The following LEMD1 variants were observed in gnomAD, a reference collection of about 807,000 sequenced individuals.
LEMD1 encodes LEM domain containing 1.
Under a neutral mutation model 17.4 loss-of-function variants are expected in LEMD1, and 18 were observed. That is an observed-to-expected ratio of 1.04 (90% CI 0.72 to 1.54). LEMD1 has a LOEUF of 1.54. Ranked by LOEUF, LEMD1 falls within the 40% of genes most tolerant of loss-of-function variation. The pLI is 0.00. For missense variants in LEMD1, 195 were observed against 210.4 expected, an observed-to-expected ratio of 0.93 and a Z score of 0.45; for synonymous variants, 88 against 77.8, an observed-to-expected ratio of 1.13 and a Z score of -0.69.
chr1:205,446,941 C>T lies in LEMD1; in HGVS notation c.-39+2927G>A, dbSNP rs1028662656. 5.3e-5 allele frequency among the ~76,000 whole-genome samples: 8 copies of T among 152,222 alleles called. No individual in the cohort carries two copies. The East Asian group carries it at 7.7e-4, about 15-fold the overall frequency. On this transcript the variant is annotated intron_variant, in intron 1 of 3. Transcript: ENST00000367154. ...ATTGTTCTGATCCCCCCGCTCCCCC[C>T]GACCTCCTGTGGGAAAAGGAAAACC... is the stretch of plus-strand genomic sequence containing the variant.
chr1:205,420,891 G>A (rs1402363458), intron 1 of LEMD1, among the ~76,000 whole-genome samples: 3 of 149,954 alleles, frequency 2.0e-5, no homozygotes, highest in African/African-American at 4.9e-5. Context: ...CAGGAACTCT[G>A]AGCAAAACTC....
Position 205,381,452 on chromosome 1 carries a change from C to T in LEMD1, c.*206G>A. The T allele has an allele frequency of 1.7e-6, 1 of 590,936 alleles. No individual in the cohort carries two copies. Among genetic ancestry groups the T allele is most frequent in the Non-Finnish European group, 3.0e-6 (1 of 331,856 alleles). 36.6% of individuals were successfully genotyped at this position (590,936 alleles called of 1,614,324 possible). On this transcript the variant is annotated 3_prime_UTR_variant, in exon 6 of 6. Transcript: ENST00000367153. ...TGACATGACTTGGGGGATTTCCTAA[C>T]CATCATGCTCTTAACACAGGTGCCT...
intron 4 of LEMD1, among the ~76,000 whole-genome samples, chr1:205,395,581 C>T (rs1473072880): frequency 2.4e-5 from 3 of 127,484 alleles, no homozygotes; most frequent in Non-Finnish European, 4.8e-5. Flanking sequence ...GCAACAAGAG[C>T]GAAATTCTGT....
chr1:205,406,365 C>T (rs980415016), intron 4 of LEMD1, among the ~76,000 whole-genome samples: 9 of 152,246 alleles, frequency 5.9e-5, no homozygotes, highest in African/African-American at 1.7e-4. Flanking sequence ...CCACCCAGTT[C>T]GAGCTTCCTG....
chr1:205,385,417 G>A (rs979965330), intron 4 of LEMD1: 1 of 152,214 alleles, frequency 6.6e-6, no homozygotes, highest in Non-Finnish European at 1.5e-5. Context: ...TGGCTAGGCT[G>A]GTCTCAAACA....
chr1:205,404,612 G>A (rs1008473616), intron 4 of LEMD1, among the ~76,000 whole-genome samples: 2 of 152,124 alleles, frequency 1.3e-5, no homozygotes, highest in African/African-American at 2.4e-5. Flanking sequence ...CGTGAGATGG[G>A]TTTCCTGAAC....
intron 4 of LEMD1, among the ~76,000 whole-genome samples, chr1:205,409,939 A>AT (rs977355146): frequency 1.3e-5 from 2 of 151,552 alleles, no homozygotes; most frequent in Middle Eastern, 3.2e-3. Flanking sequence ...CGCCCAGCTA[A>AT]TTTTTTTGTA....
At chr1:205,394,336 C>T (rs1056024333) in intron 4 of LEMD1, among the ~76,000 whole-genome samples, 1 of 151,652 alleles carries the variant, frequency 6.6e-6, no homozygotes. Flanking sequence ...GTACTAGATG[C>T]CACTGGATTG....
rs144597994 is a variant in LEMD1 at position 205,398,862 on chromosome 1, C to A, written c.271-14498G>T. On this transcript the variant is annotated intron_variant, in intron 4 of 5. Transcript: ENST00000367153. ...TGTTCCGTGGTCACGGACATAGTTACGGGTGATACAGAGAAGAAAGTGGTT... is the reference window on the plus strand; with the variant it reads ...TGTTCCGTGGTCACGGACATAGTTAAGGGTGATACAGAGAAGAAAGTGGTT... 2.0e-3 allele frequency among the ~76,000 whole-genome samples: 299 copies of A among 152,218 alleles called. 1 individual carries two copies. The highest frequency in any genetic ancestry group is 6.8e-3 in the African/African-American group (281 of 41,550).
chr1:205,393,551 C>T (rs1484620672), intron 4 of LEMD1, among the ~76,000 whole-genome samples: 1 of 151,942 alleles, frequency 6.6e-6, no homozygotes, highest in Admixed American at 6.5e-5. Context: ...TGGCAGGCAC[C>T]TGTAATCCCA....
At chr1:205,411,653 G>GAAAA (rs1553395821) in intron 4 of LEMD1, among the ~76,000 whole-genome samples, 2 of 138,544 alleles carry the variant, frequency 1.4e-5, no homozygotes, top group Non-Finnish European at 3.1e-5. Context: ...GAGAAAGAAA[G>GAAAA]GAAAGAAAGA....
chr1:205,413,995 G>A (rs1474142318), intron 4 of LEMD1, among the ~76,000 whole-genome samples: 1 of 152,072 alleles, frequency 6.6e-6, no homozygotes, highest in Admixed American at 6.6e-5. Context: ...ATGTGGTAGG[G>A]GGTGAGAAGA....
chr1:205,393,363 C>A, intron 4 of LEMD1, among the ~76,000 whole-genome samples: 1 of 123,968 alleles, frequency 8.1e-6, no homozygotes, highest in Admixed American at 9.6e-5. Context: ...ACTTTATACC[C>A]AGTAGAATGG....
chr1:205,419,609 T>C (rs72748910), intron 2 of LEMD1, among the ~76,000 whole-genome samples: 10,613 of 152,218 alleles, frequency 0.07, 402 homozygotes, highest in South Asian at 0.16. Context: ...GGACCACAGG[T>C]TCGCCACCAC....
chr1:205,422,208 G>T (rs79428114), upstream of LEMD1, among the ~76,000 whole-genome samples: 501 of 152,332 alleles, frequency 3.3e-3, 1 homozygote, highest in African/African-American at 0.011. Flanking sequence ...AGGAGGTACT[G>T]GTTGACTTCA....
At chr1:205,384,703 A>G (rs1392239980) in intron 4 of LEMD1, among the ~76,000 whole-genome samples, 2 of 152,186 alleles carry the variant, frequency 1.3e-5, no homozygotes, top group Non-Finnish European at 2.9e-5. Flanking sequence ...TTTTATGAGC[A>G]TGCATCATTT....
In LEMD1 at chr1:205,441,645, C is replaced by T. The variant is rs1666295528; in HGVS notation, c.-39+8223G>A. ...AAAGCCTATAGGGAGCAATTATACCCTTCCTTTGACTGCTCAGGGCAATGC... is the reference window on the plus strand; with the variant it reads ...AAAGCCTATAGGGAGCAATTATACCTTTCCTTTGACTGCTCAGGGCAATGC... On this transcript the variant is annotated intron_variant, in intron 1 of 3. Transcript: ENST00000367154. This position sits in a 1 kb window ranked among gnomAD's most constrained non-coding sequence, Gnocchi z 4.3. Among the ~76,000 whole-genome samples the T allele has an allele frequency of 6.6e-6, 1 of 152,238 alleles. No individual in the cohort carries two copies.
chr1:205,403,257 A>C (rs1033278844), intron 4 of LEMD1, among the ~76,000 whole-genome samples: 1 of 151,994 alleles, frequency 6.6e-6, no homozygotes, highest in Non-Finnish European at 1.5e-5. Flanking sequence ...TATTGATTGG[A>C]ATAGTTTCAG....
chr1:205,383,398 A>G (rs1392685142), intron 5 of LEMD1, among the ~76,000 whole-genome samples: 1 of 151,658 alleles, frequency 6.6e-6, no homozygotes, highest in Non-Finnish European at 1.5e-5. Flanking sequence ...CCCAGCCAAC[A>G]TGTGCTATTC....
Sources: allele counts gnomAD v4.1 joint callset (sites outside exome capture counted in the v4.1 genomes callset), GRCh38; gene constraint gnomAD v4.1.1; non-coding constraint Gnocchi (gnomAD v3.1); transcripts MANE v1.5; gene names NCBI Gene and HGNC (gene_info 2026-07-23, HGNC 2026-07-21).